The following BLM variants were observed in gnomAD, a reference collection of about 807,000 sequenced individuals.
The protein encoded by BLM is recQ-like DNA helicase BLM.
A neutral mutation model predicts 135.3 loss-of-function variants in BLM; 95 were observed. The observed-to-expected ratio is 0.70, with a 90% CI of 0.59 to 0.83. BLM has a LOEUF of 0.83. Among genes scored for constraint, BLM ranks in the 40% least tolerant of loss-of-function variants. The pLI, the probability that BLM is intolerant of heterozygous loss-of-function variation, is 0.00. For synonymous variants in BLM, 520 were observed against 589.2 expected, an observed-to-expected ratio of 0.88 and a Z score of 1.70; for missense variants, 1,518 against 1,663.9, an observed-to-expected ratio of 0.91 and a Z score of 1.53.
intron 15 of BLM, among the ~76,000 whole-genome samples, chr15:90,791,533 C>G (rs957574716): frequency 6.6e-6 from 1 of 152,038 alleles, no homozygotes; most frequent in Non-Finnish European, 1.5e-5. Context: ...TTAAACTAAT[C>G]CCCTCTTACT....
At chr15:90,814,041 C>A (rs1897491083) in intron 21 of BLM, among the ~76,000 whole-genome samples, 1 of 152,210 alleles carries the variant, frequency 6.6e-6, no homozygotes, top group Non-Finnish European at 1.5e-5. Flanking sequence ...GGCTTAATTT[C>A]TCAGCAGGAA....
intron 16 of BLM, among the ~76,000 whole-genome samples, chr15:90,794,711 T>C (rs1156940988): frequency 6.7e-6 from 1 of 149,014 alleles, no homozygotes; most frequent in Admixed American, 6.7e-5. Context: ...ATTAATGTTA[T>C]TAATATAATA....
chr15:90,775,465 T>C (rs1896449006), intron 12 of BLM, among the ~76,000 whole-genome samples: 1 of 148,782 alleles, frequency 6.7e-6, no homozygotes, highest in Non-Finnish European at 1.5e-5. Context: ...ATATATAATA[T>C]ATATGTATTT....
chr15:90,767,003 CTA>C lies in BLM; in HGVS notation c.2291_2292del (p.Tyr764CysfsTer10), dbSNP rs1555420602. The C allele has an allele frequency of 6.4e-7, 1 of 1,562,002 alleles. No homozygotes were observed. The highest frequency in any genetic ancestry group is 1.1e-5 in the South Asian group (1 of 88,758). The part of the protein sequence containing the change: ...LSKKDPIIKL[L>X]YVTPEKICAS... ...AAAAAAAGACCCAATCATAAAACTT[CTA>C]TATGTCACTCCAGAAAAGGTTTGTA... On this transcript the variant is annotated frameshift_variant, in exon 10 of 22. Transcript: ENST00000355112. LOFTEE classifies it high-confidence loss of function.
rs753911420 is a variant in BLM, at chr15:90,751,918, G to T, written c.931G>T (p.Ala311Ser). The change falls in exon 4 of 22, where the codon GCT becomes TCT. Residue 311 changes from alanine (A) to serine (S), a missense_variant. Around this residue, in one of 5 missense-constraint regions of BLM, gnomAD observed 724 missense variants for 756.9 expected, o/e 0.96. Transcript: ENST00000355112. Reference sequence around the variant, plus strand: ...ACCTTCTCCAGAAGAAATTATTTCTGCTTCTTCTTCCTCTTCAAAATGCCT... The same window carrying T: ...ACCTTCTCCAGAAGAAATTATTTCTTCTTCTTCTTCCTCTTCAAAATGCCT... ...VPPSPEEIISASSSSSKCLST... is the reference protein window; with the variant it reads ...VPPSPEEIISSSSSSSKCLST... The T allele has an allele frequency of 3.1e-6, 5 of 1,612,484 alleles. No individual in the cohort carries two copies.
At chr15:90,770,471 C>T (rs1007202121) in intron 12 of BLM, among the ~76,000 whole-genome samples, 13 of 152,186 alleles carry the variant, frequency 8.5e-5, no homozygotes, top group Admixed American at 2.6e-4. Context: ...CCACCGTGCC[C>T]GGCCAATCCC....
intron 17 of BLM, among the ~76,000 whole-genome samples, chr15:90,800,732 G>C (rs966528024): frequency 1.3e-5 from 2 of 149,814 alleles, no homozygotes; most frequent in African/African-American, 4.9e-5. Flanking sequence ...GAGTAAGAAA[G>C]GAATGGTTTT....
At chr15:90,757,484 C>T (rs1446470207) in intron 5 of BLM, among the ~76,000 whole-genome samples, 2 of 152,182 alleles carry the variant, frequency 1.3e-5, no homozygotes, top group Non-Finnish European at 2.9e-5. Context: ...CAATCTGATG[C>T]TTGTTTTCCT....
intron 16 of BLM, among the ~76,000 whole-genome samples, chr15:90,795,525 C>A (rs547724224): frequency 6.6e-6 from 1 of 152,052 alleles, no homozygotes; most frequent in South Asian, 2.1e-4. Context: ...TTAAAAAATA[C>A]AGAGCACAGG....
chr15:90,789,987 G>GT lies in BLM; in HGVS notation c.2824-626dup, dbSNP rs61059865. On this transcript the variant is annotated intron_variant, in intron 14 of 21. Transcript: ENST00000355112. The stretch of plus-strand genomic sequence containing the variant: ...AGGTCTAAGATCCGCAGTCCCTGGT[G>GT]TTTTTTTTTTTTTTTTTTTTTTTTT... Among the ~76,000 whole-genome samples the GT allele has an allele frequency of 4.9e-3, 280 of 57,372 alleles. 55 individuals carry two copies. Among genetic ancestry groups the GT allele is most frequent in the East Asian group, 8.5e-3 (12 of 1,412 alleles). 37.6% of individuals were successfully genotyped at this position (57,372 alleles called of 152,430 possible).
chr15:90,761,233 A>C lies in BLM; in HGVS notation c.1860A>C (p.Ser620=), dbSNP rs1286518338. 2 of 1,537,392 alleles carry C rather than the reference A, an allele frequency of 1.3e-6. No individual in the cohort carries two copies. The highest frequency in any genetic ancestry group is 1.4e-5 in the African/African-American group (1 of 72,080). ...CTACTGCTCAAAATATAAACTTCTC[A>C]GAGTCAATTCAGAATTATACTGGTA... ...VSSTAQNINF[S]ESIQNYTDKS... The change falls in exon 7 of 22, where the codon TCA becomes TCC. Residue 620 remains serine, a synonymous_variant. Transcript: ENST00000355112.
chr15:90,767,742 C>G (rs991528992), intron 10 of BLM, among the ~76,000 whole-genome samples: 1 of 152,054 alleles, frequency 6.6e-6, no homozygotes, highest in Non-Finnish European at 1.5e-5. Context: ...TTCTTTTTGG[C>G]CTTTGTAATT....
intron 1 of BLM, among the ~76,000 whole-genome samples, chr15:90,737,745 A>T (rs1030288653): frequency 2.0e-5 from 3 of 152,206 alleles, no homozygotes; most frequent in African/African-American, 7.2e-5. Context: ...CAACAATTTA[A>T]CTTCACACTT....
At position 90,734,675 on chromosome 15, in the gene BLM, GCA is replaced by G. The variant is rs34292947; in HGVS notation, c.-4-12696_-4-12695del. Among the ~76,000 whole-genome samples, 972 of 133,730 alleles carry G rather than the reference GCA, an allele frequency of 7.3e-3. 8 individuals carry two copies. The highest frequency in any genetic ancestry group is 0.018 in the African/African-American group (655 of 36,824). The allele number at this position is 133,730 out of a possible 152,430, so 87.7% of individuals were successfully genotyped here. ...CATACACACACACGCGCGCACGCAC[GCA>G]CACACACACACACACACGCAGAGAG... On this transcript the variant is annotated intron_variant, in intron 1 of 21. Transcript: ENST00000355112.
chr15:90,784,335 T>TC (rs1302557010), intron 13 of BLM, among the ~76,000 whole-genome samples: 1 of 131,612 alleles, frequency 7.6e-6, no homozygotes, highest in Non-Finnish European at 1.6e-5. Flanking sequence ...TTCTTTTTTT[T>TC]TTTTTTTTTT....
At position 90,805,857 on chromosome 15, in the gene BLM, C is replaced by T. The variant is rs115005854; in HGVS notation, c.3751+1498C>T. 8.2e-3 allele frequency among the ~76,000 whole-genome samples: 1,239 copies of T among 152,012 alleles called. 18 individuals are homozygous for T. The highest frequency in any genetic ancestry group is 0.029 in the African/African-American group (1,184 of 41,506). On this transcript the variant is annotated intron_variant, in intron 19 of 21. Transcript: ENST00000355112. ...GATTATTGTAATTTCTAAAACGAGA[C>T]ATTACTTCATTATTTGTGCTGATTA...
chr15:90,749,489 G>T lies in BLM; in HGVS notation c.221G>T (p.Ser74Ile), dbSNP rs763193533. The T allele has an allele frequency of 1.2e-6, 2 of 1,614,110 alleles. No individual in the cohort carries two copies. The highest frequency in any genetic ancestry group is 1.7e-5 in the Admixed American group (1 of 60,022). ...DVNVTEDFSF[S>I]EPLPNTTNQQ... is the part of the protein sequence containing the mutation. ...AATGTTACCGAAGACTTTTCCTTCA[G>T]TGAACCTCTACCCAACACCACAAAT... is the stretch of plus-strand genomic sequence containing the variant. The change falls in exon 3 of 22, where the codon AGT becomes ATT. Residue 74 changes from serine (S) to isoleucine (I), a missense_variant. This residue lies in a region of BLM where 724 missense variants were observed against 756.9 expected (regional missense o/e 0.96). Coordinates refer to ENST00000355112, the MANE Select transcript of BLM (RefSeq NM_000057.4).
intron 9 of BLM, 59 bp from the exon 10 acceptor site, chr15:90,766,851 A>C: frequency 2.8e-6 from 3 of 1,088,676 alleles, no homozygotes. Context: ...CCTAAGGACA[A>C]ATGTAATTTT....
rs1334208387 is a variant in BLM, at chr15:90,798,265, G to A, written c.3286G>A (p.Gly1096Arg). The A allele has an allele frequency of 1.9e-6, 3 of 1,611,924 alleles. No individual in the cohort carries two copies. The highest frequency in any genetic ancestry group is 2.2e-5 in the East Asian group (1 of 44,760). The change falls in exon 17 of 22, where the codon GGA (glycine) becomes AGA (arginine). Residue 1096 changes from glycine (G) to arginine (R), a missense_variant. Gly to Arg is a moderately radical substitution (Grantham distance 125, BLOSUM62 -2). This residue lies in a region of BLM where 626 missense variants were observed against 681.1 expected (regional missense o/e 0.92). Coordinates refer to ENST00000355112, the MANE Select transcript of BLM (RefSeq NM_000057.4). ...RFVQEHSSSQ[G>R]MRNIKHVGPS... The stretch of plus-strand genomic sequence containing the variant: ...TGTTCAAGAACATAGTTCATCACAA[G>A]GAATGAGAAATATAAAACATGTAGG...
Sources: allele counts gnomAD v4.1 joint callset (sites outside exome capture counted in the v4.1 genomes callset), GRCh38; gene constraint gnomAD v4.1.1; regional missense constraint gnomAD v4.1.1; transcripts MANE v1.5; gene names NCBI Gene and HGNC (gene_info 2026-07-23, HGNC 2026-07-21).